The following GATAD2B variants were observed in gnomAD, a reference collection of about 807,000 sequenced individuals.
GATAD2B encodes GATA zinc finger domain containing 2B, also known as transcriptional repressor p66-beta.
GATAD2B carries 8 observed loss-of-function variants against 64.3 expected under a neutral mutation model. The observed-to-expected ratio is 0.12, with a 90% CI of 0.07 to 0.22. The LOEUF is 0.22. Ranked by LOEUF, GATAD2B falls within the 10% of genes least tolerant of loss-of-function variation. The pLI, the probability that GATAD2B is intolerant of heterozygous loss-of-function variation, is 1.00. For synonymous variants in GATAD2B, 281 were observed against 271.3 expected (o/e 1.04, Z -0.35); for missense variants, 453 against 752.0 (o/e 0.60, Z 4.65).
intron 1 of GATAD2B, among the ~76,000 whole-genome samples, chr1:153,911,262 GT>G (rs1033172466): frequency 6.6e-6 from 1 of 151,786 alleles, no homozygotes; most frequent in East Asian, 1.9e-4. Context: ...AGAATGGTTG[GT>G]TTTTTTTAAA....
chr1:153,874,608 C>T (rs1046745219), intron 1 of GATAD2B, among the ~76,000 whole-genome samples: 4 of 151,648 alleles, frequency 2.6e-5, no homozygotes, highest in African/African-American at 4.8e-5. Flanking sequence ...ACGGAGTTTC[C>T]CTCTGTCACC....
intron 2 of GATAD2B, among the ~76,000 whole-genome samples, chr1:153,823,379 A>G (rs1418538485): frequency 2.0e-5 from 3 of 152,220 alleles, no homozygotes; most frequent in Non-Finnish European, 4.4e-5. Flanking sequence ...ATTCTAAAAC[A>G]TTAGTAGTGT....
In GATAD2B at chr1:153,810,133, G is replaced by C; in HGVS notation, c.*44C>G. 1.3e-6 allele frequency: 2 copies of C among 1,567,862 alleles called. No individual in the cohort carries two copies. Among genetic ancestry groups the C allele is most frequent in the South Asian group, 2.3e-5 (2 of 86,228 alleles). The stretch of plus-strand genomic sequence containing the variant: ...GAAGTTGGGGGAATGAAAGAGGAAA[G>C]GGATAAAGGATTCAAGGATGGGGCA... On this transcript the variant is annotated 3_prime_UTR_variant, in exon 11 of 11. Transcript: ENST00000368655.
chr1:153,841,896 A>G (rs1675510032), intron 1 of GATAD2B, among the ~76,000 whole-genome samples: 1 of 152,184 alleles, frequency 6.6e-6, no homozygotes, highest in Non-Finnish European at 1.5e-5. Flanking sequence ...ACCATCATAT[A>G]TTCCCAGATG....
intron 1 of GATAD2B, among the ~76,000 whole-genome samples, chr1:153,838,197 A>C (rs901705116): frequency 1.3e-5 from 2 of 152,172 alleles, no homozygotes; most frequent in African/African-American, 4.8e-5. Context: ...ACATCTTAAG[A>C]AGCAAGTACT....
intron 2 of GATAD2B, among the ~76,000 whole-genome samples, chr1:153,822,647 G>A (rs1048180891): frequency 7.2e-5 from 11 of 151,860 alleles, no homozygotes; most frequent in Non-Finnish European, 1.5e-4. Flanking sequence ...GGGATTACAT[G>A]TGCCCGCCAC....
At chr1:153,916,453 T>C (rs916455927) in intron 1 of GATAD2B, among the ~76,000 whole-genome samples, 5 of 152,188 alleles carry the variant, frequency 3.3e-5, no homozygotes, top group African/African-American at 1.2e-4. Flanking sequence ...GATGCTCACA[T>C]TTCTGGTTTA....
chr1:153,826,224 C>T (rs1409842587), intron 2 of GATAD2B, among the ~76,000 whole-genome samples: 3 of 151,916 alleles, frequency 2.0e-5, no homozygotes, highest in Admixed American at 6.6e-5. Flanking sequence ...AGGATGGTCT[C>T]GATCTCCTGA....
chr1:153,894,595 G>T (rs1169063822), intron 1 of GATAD2B, among the ~76,000 whole-genome samples: 1 of 152,146 alleles, frequency 6.6e-6, no homozygotes, highest in Non-Finnish European at 1.5e-5. Flanking sequence ...AGGTACAGTG[G>T]CTCACGCCTG....
intron 1 of GATAD2B, chr1:153,852,470 A>C: frequency 1.3e-6 from 1 of 758,566 alleles, no homozygotes; most frequent in South Asian, 1.4e-5. Context: ...GGTTGCAGGC[A>C]ATAGCAAGAG....
chr1:153,814,371 A>C (rs766538811), intron 7 of GATAD2B, among the ~76,000 whole-genome samples: 3 of 152,242 alleles, frequency 2.0e-5, no homozygotes, highest in Admixed American at 6.5e-5. Context: ...GCTTTTTATA[A>C]GGTCTTTCTT....
chr1:153,818,663 A>G, intron 4 of GATAD2B, 128 bp downstream of exon 4: 1 of 801,536 alleles, frequency 1.2e-6, no homozygotes, highest in Non-Finnish European at 2.0e-6. Context: ...AATCACTACT[A>G]CTACAGACTA....
At chr1:153,880,992 G>C (rs1676992329) in intron 1 of GATAD2B, among the ~76,000 whole-genome samples, 1 of 152,076 alleles carries the variant, frequency 6.6e-6, no homozygotes, top group Non-Finnish European at 1.5e-5. Context: ...GTGTATGTGT[G>C]GATGTGTCAA....
chr1:153,886,804 C>T (rs532290841), intron 1 of GATAD2B, among the ~76,000 whole-genome samples: 79 of 152,094 alleles, frequency 5.2e-4, no homozygotes, highest in African/African-American at 1.2e-3. Context: ...CATGATCCGC[C>T]CACCTCAGCC....
At chr1:153,857,687 T>C (rs1676137393) in intron 1 of GATAD2B, among the ~76,000 whole-genome samples, 1 of 152,086 alleles carries the variant, frequency 6.6e-6, no homozygotes, top group African/African-American at 2.4e-5. Flanking sequence ...CTTAAGATAT[T>C]TATAATCAAG....
chr1:153,917,619 T>C (rs1678313444), intron 1 of GATAD2B, among the ~76,000 whole-genome samples: 2 of 151,454 alleles, frequency 1.3e-5, no homozygotes, highest in African/African-American at 4.9e-5. Flanking sequence ...GGTCTCGAAC[T>C]CCTGACCTCA....
Position 153,828,250 on chromosome 1 carries a change from T to C in GATAD2B, c.98A>G (p.Lys33Arg), listed in dbSNP as rs1674951237. The C allele has an allele frequency of 1.2e-6, 2 of 1,614,058 alleles. No homozygotes were observed. The highest frequency in any genetic ancestry group is 1.7e-6 in the Non-Finnish European group (2 of 1,180,042). Residue 33 changes from lysine to arginine, a missense_variant, in exon 2 of 11, where the codon AAA (lysine) becomes AGA (arginine). Around this residue, in one of 2 missense-constraint regions of GATAD2B, gnomAD observed 293 missense variants for 417.2 expected, o/e 0.70. Coordinates refer to ENST00000368655, the MANE Select transcript of GATAD2B (RefSeq NM_020699.4). ...ERDDVLAKRL[K>R]MEGHEAMERL... ...TTCCATGGCCTCATGCCCCTCCATTTTGAGTCGCTTTGCCAGGACATCATC... is the reference window on the plus strand; with the variant it reads ...TTCCATGGCCTCATGCCCCTCCATTCTGAGTCGCTTTGCCAGGACATCATC...
At chr1:153,818,652 A>T (rs1570929688) in intron 4 of GATAD2B, 139 bp downstream of exon 4, 1 of 711,638 alleles carries the variant, frequency 1.4e-6, no homozygotes, top group East Asian at 2.7e-5. Flanking sequence ...ATTAAAAAAA[A>T]AATCACTACT....
At chr1:153,905,036 G>T (rs1677884632) in intron 1 of GATAD2B, among the ~76,000 whole-genome samples, 1 of 151,878 alleles carries the variant, frequency 6.6e-6, no homozygotes, top group Admixed American at 6.6e-5. Context: ...TAGAGACGGG[G>T]TTTCACTATA....
Sources: gnomAD v4.1 joint callset for allele counts (sites outside exome capture counted in the v4.1 genomes callset) on GRCh38, gnomAD v4.1.1 for gene constraint, gnomAD v4.1.1 regional missense constraint, MANE v1.5 for transcripts, NCBI Gene and HGNC (gene_info 2026-07-23, HGNC 2026-07-21) for gene names.